NPHP1: variants seen among roughly 807,000 people sequenced by gnomAD.
The protein encoded by NPHP1 is nephrocystin 1, also known as nephrocystin-1.
NPHP1 carries 70 observed loss-of-function variants against 90.4 expected under a neutral mutation model. The ratio of observed to expected loss-of-function variants is 0.77; its 90% confidence interval spans 0.64 to 0.95. NPHP1 has a LOEUF of 0.95. Among genes scored for constraint, NPHP1 ranks in the 40% least tolerant of loss-of-function variants. The pLI is 0.00. For synonymous variants in NPHP1, 256 were observed against 271.7 expected (o/e 0.94, Z 0.57); for missense variants, 764 against 795.9 (o/e 0.96, Z 0.48).
chr2:110,194,237 C>G (rs919432614), intron 2 of NPHP1, among the ~76,000 whole-genome samples: 1 of 151,708 alleles, frequency 6.6e-6, no homozygotes, highest in Non-Finnish European at 1.5e-5. Flanking sequence ...TTGAAAAGAT[C>G]AACAAAATTG....
At chr2:110,154,452 AG>A (rs1681737404) in intron 11 of NPHP1, among the ~76,000 whole-genome samples, 1 of 152,208 alleles carries the variant, frequency 6.6e-6, no homozygotes. Flanking sequence ...ACTGGGTAAC[AG>A]GCAGAGGTTG....
chr2:110,125,832 T>G, intron 18 of NPHP1, 151 bp from the exon 19 acceptor site: 1 of 707,760 alleles, frequency 1.4e-6, no homozygotes, highest in Non-Finnish European at 2.5e-6. Context: ...TAATTAGGAA[T>G]CTATTGCAAA....
chr2:110,162,021 C>T (rs560225229), intron 9 of NPHP1, among the ~76,000 whole-genome samples: 16 of 151,968 alleles, frequency 1.1e-4, no homozygotes, highest in Non-Finnish European at 2.1e-4. Flanking sequence ...TTGGAGACTT[C>T]AGAAAAAACA....
chr2:110,158,627 T>C (rs1682084327), intron 11 of NPHP1, among the ~76,000 whole-genome samples: 1 of 152,060 alleles, frequency 6.6e-6, no homozygotes. Flanking sequence ...AAGCTACCTA[T>C]AGCATAATAT....
chr2:110,138,780 T>A (rs1181419271), intron 16 of NPHP1, among the ~76,000 whole-genome samples: 1 of 151,990 alleles, frequency 6.6e-6, no homozygotes, highest in Admixed American at 6.5e-5. Flanking sequence ...GGGAAAGGGG[T>A]GGGAACTTCC....
intron 6 of NPHP1, among the ~76,000 whole-genome samples, chr2:110,166,221 C>T (rs1682716936): frequency 6.6e-6 from 1 of 152,174 alleles, no homozygotes; most frequent in Non-Finnish European, 1.5e-5. Context: ...GCTATAAACC[C>T]TTTGAACCAG....
At chr2:110,193,404 C>T (rs1684898779) in intron 2 of NPHP1, among the ~76,000 whole-genome samples, 4 of 151,806 alleles carry the variant, frequency 2.6e-5, no homozygotes, top group African/African-American at 9.7e-5. Context: ...TCAAAAGAGA[C>T]AAAGAAGGCC....
Position 110,183,386 on chromosome 2 carries a change from A to C in NPHP1, c.144-3702T>G, listed in dbSNP as rs182985848. Among the ~76,000 whole-genome samples the C allele has an allele frequency of 1.4e-3, 220 of 152,238 alleles. 2 individuals are homozygous for C. The East Asian group carries it at 0.031, about 21-fold the overall frequency. ...TTCCTGTTGCAGATAACTAGCCAGA[A>C]CCTCCCCTTTATTTCGGCCCATCCC... is the stretch of plus-strand genomic sequence containing the variant. On this transcript the variant is annotated intron_variant, in intron 2 of 19. Transcript: ENST00000445609.
intron 4 of NPHP1, among the ~76,000 whole-genome samples, chr2:110,175,173 C>T (rs545808982): frequency 2.4e-4 from 36 of 152,146 alleles, no homozygotes; most frequent in Middle Eastern, 3.4e-3. Context: ...TAGAACATAA[C>T]TACTGTAAAT....
At chr2:110,155,555 G>A (rs948375341) in intron 11 of NPHP1, among the ~76,000 whole-genome samples, 1 of 152,210 alleles carries the variant, frequency 6.6e-6, no homozygotes, top group African/African-American at 2.4e-5. Flanking sequence ...AACAGGGGCT[G>A]AGCTGCCCAA....
At chr2:110,168,647 G>C in intron 5 of NPHP1, 94 bp from the exon 6 acceptor site, 1 of 870,136 alleles carries the variant, frequency 1.1e-6, no homozygotes, top group Admixed American at 2.0e-5. Context: ...CTGAAAAAAA[G>C]GCAAAATCTT....
At chr2:110,156,494 G>T (rs539118166) in intron 11 of NPHP1, among the ~76,000 whole-genome samples, 8 of 152,034 alleles carry the variant, frequency 5.3e-5, no homozygotes, top group Non-Finnish European at 8.8e-5. Flanking sequence ...AATACAGGAA[G>T]ATAGGAAAAA....
At chr2:110,134,381 A>G (rs558131948) in intron 16 of NPHP1, among the ~76,000 whole-genome samples, 1 of 152,000 alleles carries the variant, frequency 6.6e-6, no homozygotes, top group African/African-American at 2.4e-5. Flanking sequence ...CCAGCATCAG[A>G]TGGCTTCACT....
chr2:110,162,995 T>C, intron 9 of NPHP1, 53 bp downstream of exon 9: 1 of 1,233,336 alleles, frequency 8.1e-7, no homozygotes, highest in African/African-American at 1.5e-5. Context: ...AAATTAGACG[T>C]GGATCTTGAC....
chr2:110,146,729 G>A lies in NPHP1; in HGVS notation c.1352+24C>T, dbSNP rs201776439. The stretch of plus-strand genomic sequence containing the variant: ...TGAATTTTTACAGAAGTATTCATTC[G>A]TTAGGAATATATAGCCAACTTACTT... On this transcript the variant is annotated intron_variant, in intron 14 of 19. Transcript: ENST00000445609. 1.5e-5 allele frequency: 23 copies of A among 1,531,208 alleles called. No homozygotes were observed. The East Asian group carries it at 1.6e-4, about 10-fold the overall frequency. 94.9% of individuals were successfully genotyped at this position (1,531,208 alleles called of 1,614,324 possible).
At chr2:110,138,248 C>G (rs1186293473) in intron 16 of NPHP1, among the ~76,000 whole-genome samples, 2 of 151,910 alleles carry the variant, frequency 1.3e-5, no homozygotes, top group African/African-American at 4.8e-5. Context: ...GTGCAGCACA[C>G]CAACATGGCA....
chr2:110,143,072 A>C (rs4353695), intron 16 of NPHP1, among the ~76,000 whole-genome samples: 58,827 of 152,016 alleles, frequency 0.39, 12,150 homozygotes, highest in East Asian at 0.58. Flanking sequence ...GAGGCTGGGG[A>C]TACAGAGCTG....
intron 2 of NPHP1, among the ~76,000 whole-genome samples, chr2:110,189,983 C>G (rs1296012293): frequency 2.6e-5 from 4 of 152,134 alleles, no homozygotes; most frequent in African/African-American, 7.2e-5. Flanking sequence ...CAAGGCTCCA[C>G]CAGAGTAGCT....
chr2:110,198,325 C>A (rs1485207109), intron 2 of NPHP1, among the ~76,000 whole-genome samples: 3 of 152,046 alleles, frequency 2.0e-5, no homozygotes, highest in Admixed American at 6.6e-5. Context: ...TGCACAGTGG[C>A]TGGGGTTTAC....
Sources: allele counts gnomAD v4.1 joint callset (sites outside exome capture counted in the v4.1 genomes callset), GRCh38; gene constraint gnomAD v4.1.1; transcripts MANE v1.5; gene names NCBI Gene and HGNC (gene_info 2026-07-23, HGNC 2026-07-21).